Variants in DACH1 observed in about 807,000 individuals in gnomAD.
The protein encoded by DACH1 is dachshund homolog 1.
Under a neutral mutation model 54.2 loss-of-function variants are expected in DACH1, and 12 were observed. The observed-to-expected ratio is 0.22, with a 90% CI of 0.14 to 0.36. DACH1 has a LOEUF of 0.36. DACH1 is among the 10% of genes least tolerant of loss of function. The probability of loss-of-function intolerance (pLI) is 1.00; values close to 1 mark genes in which losing one functional copy is unlikely to be tolerated. For synonymous variants in DACH1, 386 were observed against 366.2 expected, an observed-to-expected ratio of 1.05 and a Z score of -0.62; for missense variants, 805 against 929.8, an observed-to-expected ratio of 0.87 and a Z score of 1.75.
At chr13:71,720,405 A>T (rs1173824036) in intron 1 of DACH1, among the ~76,000 whole-genome samples, 1 of 152,188 alleles carries the variant, frequency 6.6e-6, no homozygotes, top group African/African-American at 2.4e-5. Flanking sequence ...TCTCTCAGAA[A>T]TATATATAGG....
At chr13:71,441,501 T>A (rs1457430139) in intron 10 of DACH1, among the ~76,000 whole-genome samples, 1 of 152,108 alleles carries the variant, frequency 6.6e-6, no homozygotes, top group Non-Finnish European at 1.5e-5. Context: ...AAACTTTGTA[T>A]ATATTTGTCT....
At chr13:71,484,891 T>C (rs1226791134) in intron 7 of DACH1, among the ~76,000 whole-genome samples, 2 of 151,818 alleles carry the variant, frequency 1.3e-5, no homozygotes, top group Non-Finnish European at 2.9e-5. Context: ...GTGAAATGCA[T>C]CTCTACTAAA....
At chr13:71,805,550 C>A (rs9542747) in intron 1 of DACH1, among the ~76,000 whole-genome samples, 1 of 152,108 alleles carries the variant, frequency 6.6e-6, no homozygotes, top group African/African-American at 2.4e-5. Context: ...ATTAAACCCA[C>A]CAGCTGTGGT....
At chr13:71,731,517 T>G (rs1425731461) in intron 1 of DACH1, among the ~76,000 whole-genome samples, 1 of 152,118 alleles carries the variant, frequency 6.6e-6, no homozygotes, top group Non-Finnish European at 1.5e-5. Context: ...TCTCCTGACC[T>G]CGTGCTCGAC....
intron 3 of DACH1, among the ~76,000 whole-genome samples, chr13:71,593,533 C>A (rs1366529412): frequency 1.3e-5 from 2 of 152,044 alleles, no homozygotes; most frequent in Admixed American, 6.6e-5. Context: ...ATCAAAATTT[C>A]ATTTCTAGTT....
At chr13:71,837,294 T>C (rs966564505) in intron 1 of DACH1, among the ~76,000 whole-genome samples, 2 of 152,152 alleles carry the variant, frequency 1.3e-5, no homozygotes, top group Non-Finnish European at 2.9e-5. Context: ...AGACCTACTA[T>C]GAAATGACTG....
intron 1 of DACH1, among the ~76,000 whole-genome samples, chr13:71,753,521 G>A (rs141477392): frequency 2.0e-5 from 3 of 152,020 alleles, no homozygotes; most frequent in East Asian, 1.9e-4. Flanking sequence ...TTCATTTATC[G>A]CTTACCAAGA....
At chr13:71,647,337 A>C (rs1489621193) in intron 2 of DACH1, among the ~76,000 whole-genome samples, 1 of 152,232 alleles carries the variant, frequency 6.6e-6, no homozygotes, top group Non-Finnish European at 1.5e-5. Context: ...AGTTTTCACG[A>C]GCACAATTAC....
intron 1 of DACH1, among the ~76,000 whole-genome samples, chr13:71,852,305 A>G (rs1041609279): frequency 2.6e-5 from 4 of 151,934 alleles, no homozygotes; most frequent in Admixed American, 1.3e-4. Flanking sequence ...AGTGTAATCA[A>G]TGAGGGAGAA....
At chr13:71,604,175 C>T (rs1171795898) in intron 3 of DACH1, among the ~76,000 whole-genome samples, 2 of 151,854 alleles carry the variant, frequency 1.3e-5, no homozygotes, top group Admixed American at 6.6e-5. Context: ...TCACAAACTT[C>T]AGTGATTATT....
chr13:71,473,770 TG>T (rs1334036346), intron 10 of DACH1, among the ~76,000 whole-genome samples: 1 of 152,188 alleles, frequency 6.6e-6, no homozygotes, highest in Non-Finnish European at 1.5e-5. Flanking sequence ...TATGGGCTCA[TG>T]TGCTTTCTGA....
At chr13:71,558,865 C>A (rs985061833) in intron 5 of DACH1, among the ~76,000 whole-genome samples, 1 of 151,958 alleles carries the variant, frequency 6.6e-6, no homozygotes. Flanking sequence ...TCACTTTATG[C>A]ATACATTCCT....
At chr13:71,851,277 T>C (rs1039546560) in intron 1 of DACH1, among the ~76,000 whole-genome samples, 1 of 152,210 alleles carries the variant, frequency 6.6e-6, no homozygotes, top group East Asian at 1.9e-4. Context: ...TGGATTATTA[T>C]TTTAATAATT....
chr13:71,449,342 A>C (rs1199714557), intron 10 of DACH1, among the ~76,000 whole-genome samples: 1 of 152,168 alleles, frequency 6.6e-6, no homozygotes, highest in Non-Finnish European at 1.5e-5. Context: ...AAAAAAAAGA[A>C]AGAAAAGAAA....
intron 6 of DACH1, among the ~76,000 whole-genome samples, chr13:71,550,732 G>A (rs1281413348): frequency 6.6e-6 from 1 of 152,036 alleles, no homozygotes; most frequent in Admixed American, 6.6e-5. Context: ...ACTTAAGAAA[G>A]AGCTCTGGGA....
intron 6 of DACH1, among the ~76,000 whole-genome samples, chr13:71,518,753 A>G (rs1399826961): frequency 6.6e-6 from 1 of 151,858 alleles, no homozygotes; most frequent in East Asian, 1.9e-4. Flanking sequence ...TTTTGGAACA[A>G]GAAAGTTTAG....
chr13:71,471,987 G>C (rs1877124525), intron 10 of DACH1, among the ~76,000 whole-genome samples: 1 of 152,088 alleles, frequency 6.6e-6, no homozygotes, highest in South Asian at 2.1e-4. Flanking sequence ...TATGAACTCT[G>C]TCTACTTTAT....
intron 1 of DACH1, among the ~76,000 whole-genome samples, chr13:71,753,555 A>G (rs1222786726): frequency 6.6e-6 from 1 of 152,192 alleles, no homozygotes; most frequent in Non-Finnish European, 1.5e-5. Context: ...AAGTTAGTAT[A>G]TCCAGGTCTG....
chr13:71,812,290 C>T (rs1316368295), intron 1 of DACH1, among the ~76,000 whole-genome samples: 2 of 152,196 alleles, frequency 1.3e-5, no homozygotes, highest in Non-Finnish European at 2.9e-5. Context: ...TGTATCAGCA[C>T]AGTACATTCT....
Sources: gnomAD v4.1 joint callset for allele counts (sites outside exome capture counted in the v4.1 genomes callset) on GRCh38, gnomAD v4.1.1 for gene constraint, MANE v1.5 for transcripts, NCBI Gene and HGNC (gene_info 2026-07-23, HGNC 2026-07-21) for gene names.